Variants in PDE4D observed in about 807,000 individuals in gnomAD.
PDE4D encodes 3',5'-cyclic-AMP phosphodiesterase 4D.
In PDE4D, 24 loss-of-function variants were observed where a neutral mutation model predicts 87.4. The ratio of observed to expected loss-of-function variants is 0.27; its 90% CI spans 0.20 to 0.39. The LOEUF (loss-of-function observed/expected upper bound fraction) is 0.39. Ranked by LOEUF, PDE4D falls within the 10% of genes least tolerant of loss-of-function variation. PDE4D has a pLI of 1.00. For missense variants in PDE4D, 714 were observed against 1,041.0 expected (o/e 0.69, Z 4.32); for synonymous variants, 384 against 383.2 (o/e 1.00, Z -0.02).
intron 1 of PDE4D, among the ~76,000 whole-genome samples, chr5:60,412,277 G>A (rs1464056973): frequency 1.3e-5 from 2 of 152,158 alleles, no homozygotes; most frequent in East Asian, 1.9e-4. Context: ...GGGAGACTGA[G>A]ACCAATAATT....
At chr5:59,987,161 T>G (rs891839581) in intron 3 of PDE4D, 2 of 152,206 alleles carry the variant, frequency 1.3e-5, no homozygotes, top group Non-Finnish European at 2.9e-5. Flanking sequence ...TGGATACACC[T>G]GATATCTGTG....
At chr5:60,487,514 CT>C (rs2150229716) in intron 1 of PDE4D, among the ~76,000 whole-genome samples, 1 of 152,312 alleles carries the variant, frequency 6.6e-6, no homozygotes, top group East Asian at 1.9e-4. Context: ...CTGTGTACCC[CT>C]GTCCCCAAAG....
intron 2 of PDE4D, among the ~76,000 whole-genome samples, chr5:59,214,079 A>G (rs997218111): frequency 8.1e-6 from 1 of 123,788 alleles, no homozygotes; most frequent in African/African-American, 3.1e-5. Context: ...CACACACACA[A>G]CCATTCTATA....
At chr5:59,931,286 T>C (rs1755888117) in intron 3 of PDE4D, among the ~76,000 whole-genome samples, 1 of 152,260 alleles carries the variant, frequency 6.6e-6, no homozygotes, top group Admixed American at 6.5e-5. Flanking sequence ...GTATTTGTTT[T>C]AAGGCTTTAT....
At chr5:59,507,294 T>C (rs1809432421) in intron 1 of PDE4D, among the ~76,000 whole-genome samples, 1 of 152,014 alleles carries the variant, frequency 6.6e-6, no homozygotes, top group Non-Finnish European at 1.5e-5. Flanking sequence ...TTCGTGCCAC[T>C]GCACTCCAGC....
chr5:59,446,888 C>A (rs563972416), intron 1 of PDE4D, among the ~76,000 whole-genome samples: 3 of 152,190 alleles, frequency 2.0e-5, no homozygotes, highest in South Asian at 2.1e-4. Flanking sequence ...TCTGTTTAGA[C>A]TTTTTGGTTG....
At chr5:60,358,764 T>C (rs1759822770) in intron 1 of PDE4D, among the ~76,000 whole-genome samples, 1 of 152,172 alleles carries the variant, frequency 6.6e-6, no homozygotes, top group Non-Finnish European at 1.5e-5. Flanking sequence ...TGTTGAGATA[T>C]TACAAGAAAA....
intron 2 of PDE4D, among the ~76,000 whole-genome samples, chr5:60,069,312 C>T (rs771764522): frequency 1.2e-4 from 19 of 152,168 alleles, no homozygotes; most frequent in Non-Finnish European, 2.6e-4. Context: ...GAGAGGAATG[C>T]TTCACCTTTC....
rs114594199 is a variant in PDE4D, at chr5:59,723,652, C to T, written c.455+169516G>A. Among the ~76,000 whole-genome samples the T allele has an allele frequency of 3.4e-3, 518 of 152,196 alleles. 6 individuals are homozygous for T. In the South Asian group the frequency reaches 0.035, roughly 10 times the overall value. ...CCTATTTGGGCATTATACTTTATTCCTGAATCATAGAAGAAATCCTATCAC... is the reference window on the plus strand; with the variant it reads ...CCTATTTGGGCATTATACTTTATTCTTGAATCATAGAAGAAATCCTATCAC... On this transcript the variant is annotated intron_variant, in intron 1 of 14. Transcript: ENST00000340635.
At chr5:60,096,505 A>G (rs1280237114) in intron 2 of PDE4D, among the ~76,000 whole-genome samples, 2 of 152,168 alleles carry the variant, frequency 1.3e-5, no homozygotes, top group African/African-American at 4.8e-5. Context: ...ACTTCAAATT[A>G]TAAAGACAAC....
chr5:59,856,446 A>C (rs957501436), intron 1 of PDE4D, among the ~76,000 whole-genome samples: 8 of 152,170 alleles, frequency 5.3e-5, no homozygotes, highest in Non-Finnish European at 1.2e-4. Flanking sequence ...TAAATGCATA[A>C]ATCTCCCACA....
At chr5:59,846,726 C>T (rs558140267) in intron 1 of PDE4D, among the ~76,000 whole-genome samples, 2 of 151,960 alleles carry the variant, frequency 1.3e-5, no homozygotes, top group East Asian at 3.9e-4. Context: ...CTGCAGCGGA[C>T]AAGTAGGGTG....
At chr5:59,982,731 A>G (rs1762049496) in intron 3 of PDE4D, among the ~76,000 whole-genome samples, 1 of 152,234 alleles carries the variant, frequency 6.6e-6, no homozygotes, top group Admixed American at 6.5e-5. Flanking sequence ...TCACAAGTCC[A>G]TAATAACTGT....
At chr5:59,754,478 A>T (rs541447426) in intron 1 of PDE4D, among the ~76,000 whole-genome samples, 35 of 152,050 alleles carry the variant, frequency 2.3e-4, no homozygotes, top group African/African-American at 8.4e-4. Flanking sequence ...ACAGGATCCT[A>T]CTCTCAGAAG....
intron 1 of PDE4D, among the ~76,000 whole-genome samples, chr5:60,327,590 T>C (rs1299471484): frequency 1.3e-5 from 2 of 152,222 alleles, no homozygotes; most frequent in African/African-American, 2.4e-5. Context: ...CTTACCTATG[T>C]ACCAGCTATT....
chr5:60,451,041 C>T (rs1345935859), intron 1 of PDE4D, among the ~76,000 whole-genome samples: 3 of 151,998 alleles, frequency 2.0e-5, no homozygotes, highest in Non-Finnish European at 4.4e-5. Flanking sequence ...AAAGATAGTG[C>T]TCTGCATTAA....
chr5:59,612,914 G>A (rs1453932684), intron 1 of PDE4D, among the ~76,000 whole-genome samples: 1 of 152,126 alleles, frequency 6.6e-6, no homozygotes, highest in Non-Finnish European at 1.5e-5. Flanking sequence ...CTGAATCTGA[G>A]AGGCCACAGG....
Position 59,877,261 on chromosome 5 carries a change from G to A in PDE4D, c.455+15907C>T, listed in dbSNP as rs192122718. ...TGTAAGAGGTATATCAAATGCAAAG[G>A]CTTGTTAAGTGTGATTAACAGATTA... On this transcript the variant is annotated intron_variant, in intron 1 of 14. Transcript: ENST00000340635. 3.9e-5 allele frequency among the ~76,000 whole-genome samples: 6 copies of A among 152,220 alleles called. No individual in the cohort carries two copies. In the East Asian group the frequency reaches 7.7e-4, roughly 20 times the overall value.
intron 1 of PDE4D, among the ~76,000 whole-genome samples, chr5:59,398,532 C>G (rs1453011760): frequency 7.9e-4 from 95 of 119,648 alleles, no homozygotes; most frequent in Non-Finnish European, 1.3e-3. Context: ...ATTCAACAAC[C>G]CTACATGCTA....
Sources: allele counts gnomAD v4.1 joint callset (sites outside exome capture counted in the v4.1 genomes callset), GRCh38; gene constraint gnomAD v4.1.1; transcripts MANE v1.5; gene names NCBI Gene and HGNC (gene_info 2026-07-23, HGNC 2026-07-21).